The following SLC24A3 variants were observed in gnomAD, a reference collection of about 807,000 sequenced individuals.
SLC24A3 encodes the protein solute carrier family 24 member 3.
A neutral mutation model predicts 75.8 loss-of-function variants in SLC24A3; 28 were observed. The observed-to-expected ratio is 0.37, with a 90% CI of 0.27 to 0.51. SLC24A3 has a LOEUF of 0.51. SLC24A3 is among the 20% of genes least tolerant of loss of function. The pLI is 0.94. For synonymous variants in SLC24A3, 372 were observed against 334.1 expected (o/e 1.11, Z -1.24); for missense variants, 663 against 847.8 (o/e 0.78, Z 2.71).
At chr20:19,530,961 A>G (rs1419448951) in intron 3 of SLC24A3, among the ~76,000 whole-genome samples, 1 of 152,188 alleles carries the variant, frequency 6.6e-6, no homozygotes, top group Non-Finnish European at 1.5e-5. Flanking sequence ...CATAGAAGGA[A>G]TAGGACTCTA....
chr20:19,218,429 C>T (rs578244180), intron 1 of SLC24A3, among the ~76,000 whole-genome samples: 3 of 152,318 alleles, frequency 2.0e-5, no homozygotes, highest in Non-Finnish European at 2.9e-5. Flanking sequence ...CATGCTGCTG[C>T]GTTTTCCAGC....
At chr20:19,291,830 GA>G (rs1983949287) in intron 2 of SLC24A3, among the ~76,000 whole-genome samples, 2 of 152,236 alleles carry the variant, frequency 1.3e-5, no homozygotes, top group South Asian at 4.1e-4. Context: ...ATGAAAAAAA[GA>G]AAAAAGGCAA....
chr20:19,642,695 T>C (rs2032090221), intron 6 of SLC24A3, among the ~76,000 whole-genome samples: 1 of 152,208 alleles, frequency 6.6e-6, no homozygotes, highest in Admixed American at 6.5e-5. Context: ...TGGTCTTCAT[T>C]TGCAAGCTGA....
intron 1 of SLC24A3, among the ~76,000 whole-genome samples, chr20:19,278,159 G>A (rs902762191): frequency 6.6e-6 from 1 of 152,062 alleles, no homozygotes; most frequent in Non-Finnish European, 1.5e-5. Flanking sequence ...GAAATGCTGG[G>A]GGATTATGTC....
intron 2 of SLC24A3, among the ~76,000 whole-genome samples, chr20:19,281,565 G>C (rs1466076922): frequency 6.6e-6 from 1 of 152,148 alleles, no homozygotes; most frequent in African/African-American, 2.4e-5. Flanking sequence ...TGTGAGATTT[G>C]ATATCTATTA....
intron 2 of SLC24A3, among the ~76,000 whole-genome samples, chr20:19,333,660 AGTGT>A (rs11471788): frequency 6.8e-6 from 1 of 147,840 alleles, no homozygotes; most frequent in African/African-American, 2.5e-5. Flanking sequence ...TGTGTGTGAG[AGTGT>A]GTGTGTGTGT....
At chr20:19,248,675 A>G (rs1365762854) in intron 1 of SLC24A3, among the ~76,000 whole-genome samples, 3 of 152,116 alleles carry the variant, frequency 2.0e-5, no homozygotes, top group South Asian at 2.1e-4. Context: ...TGAAATTGGT[A>G]TGTTGAAGGG....
At chr20:19,226,658 T>A (rs1255972080) in intron 1 of SLC24A3, among the ~76,000 whole-genome samples, 1 of 152,224 alleles carries the variant, frequency 6.6e-6, no homozygotes, top group Admixed American at 6.5e-5. Flanking sequence ...AGTGCTTTAC[T>A]TGTACTGACT....
intron 2 of SLC24A3, among the ~76,000 whole-genome samples, chr20:19,404,504 G>A (rs888342916): frequency 1.1e-4 from 16 of 152,204 alleles, no homozygotes; most frequent in Non-Finnish European, 2.4e-4. Context: ...GAAATCCCCT[G>A]GAGCCTAACG....
At chr20:19,362,430 A>G (rs905643865) in intron 2 of SLC24A3, among the ~76,000 whole-genome samples, 4 of 152,210 alleles carry the variant, frequency 2.6e-5, no homozygotes, top group Admixed American at 6.5e-5. Context: ...TTTTCGTGAC[A>G]AGTGGAAATG....
intron 6 of SLC24A3, among the ~76,000 whole-genome samples, chr20:19,620,143 C>T (rs2031784811): frequency 1.3e-5 from 2 of 152,126 alleles, no homozygotes; most frequent in African/African-American, 2.4e-5. Context: ...TGAGGGTCTC[C>T]CAGCACAAAG....
At chr20:19,248,207 A>T (rs1358154967) in intron 1 of SLC24A3, among the ~76,000 whole-genome samples, 2 of 152,238 alleles carry the variant, frequency 1.3e-5, no homozygotes, top group Admixed American at 1.3e-4. Flanking sequence ...TGTGGGAGCC[A>T]GATGTCAGAA....
At chr20:19,499,875 G>T (rs899910311) in intron 2 of SLC24A3, among the ~76,000 whole-genome samples, 1 of 152,114 alleles carries the variant, frequency 6.6e-6, no homozygotes, top group Non-Finnish European at 1.5e-5. Context: ...CATGTTTAGG[G>T]ATGTAGCCTG....
chr20:19,699,669 A>G (rs1187640778), intron 15 of SLC24A3, among the ~76,000 whole-genome samples: 1 of 152,232 alleles, frequency 6.6e-6, no homozygotes, highest in Admixed American at 6.5e-5. Context: ...GATATGGGAT[A>G]AAAGGAGCTG....
At chr20:19,247,458 T>C (rs1982528352) in intron 1 of SLC24A3, among the ~76,000 whole-genome samples, 1 of 152,184 alleles carries the variant, frequency 6.6e-6, no homozygotes. Context: ...AAAACTCTTT[T>C]GGAGGAAAGG....
intron 2 of SLC24A3, among the ~76,000 whole-genome samples, chr20:19,352,582 T>C (rs1985595985): frequency 6.6e-6 from 1 of 152,196 alleles, no homozygotes. Flanking sequence ...ATTCAGGAAC[T>C]TCCTAAGGTC....
chr20:19,361,468 G>A (rs1360205392), intron 2 of SLC24A3, among the ~76,000 whole-genome samples: 2 of 152,204 alleles, frequency 1.3e-5, no homozygotes, highest in South Asian at 2.1e-4. Context: ...TAGAAAGTAG[G>A]ATCCTAAGGA....
At chr20:19,609,061 G>A (rs79554883) in intron 6 of SLC24A3, among the ~76,000 whole-genome samples, 5,938 of 152,264 alleles carry the variant, frequency 0.039, 212 homozygotes, top group African/African-American at 0.1. Flanking sequence ...AAGAAAAAAA[G>A]TCAAGGATGA....
At chr20:19,279,502 CT>C (rs1983593277) in intron 1 of SLC24A3, among the ~76,000 whole-genome samples, 1 of 152,190 alleles carries the variant, frequency 6.6e-6, no homozygotes, top group Admixed American at 6.5e-5. Context: ...TTGGCTACAC[CT>C]TCCTTCCTGA....
Sources: gnomAD v4.1 joint callset for allele counts (sites outside exome capture counted in the v4.1 genomes callset) on GRCh38, gnomAD v4.1.1 for gene constraint, MANE v1.5 for transcripts, NCBI Gene and HGNC (gene_info 2026-07-23, HGNC 2026-07-21) for gene names.